Variants in TTLL7 observed in about 807,000 individuals in gnomAD.
TTLL7 encodes the protein tubulin polyglutamylase TTLL7.
TTLL7 carries 53 observed loss-of-function variants against 120.2 expected under a neutral mutation model. The ratio of observed to expected loss-of-function variants is 0.44; its 90% CI spans 0.35 to 0.55. The LOEUF (loss-of-function observed/expected upper bound fraction) is 0.55. Among genes scored for constraint, TTLL7 ranks in the 20% least tolerant of loss-of-function variants. The pLI is 0.00. For synonymous variants in TTLL7, 353 were observed against 351.7 expected, an observed-to-expected ratio of 1.00 and a Z score of -0.04; for missense variants, 803 against 1,054.7, an observed-to-expected ratio of 0.76 and a Z score of 3.31.
At chr1:83,924,888 C>T (rs1658980859) in intron 10 of TTLL7, among the ~76,000 whole-genome samples, 1 of 151,948 alleles carries the variant, frequency 6.6e-6, no homozygotes, top group African/African-American at 2.4e-5. Context: ...GGAAAAAGAA[C>T]AAGAAATGAT....
At chr1:83,883,406 TCTCA>T (rs761117908) in intron 19 of TTLL7, among the ~76,000 whole-genome samples, 26 of 151,976 alleles carry the variant, frequency 1.7e-4, no homozygotes, top group South Asian at 2.1e-4. Context: ...AGAGAGTGTG[TCTCA>T]CTATGTTGCC....
intron 7 of TTLL7, among the ~76,000 whole-genome samples, chr1:83,938,993 T>C (rs1299003599): frequency 6.6e-6 from 1 of 152,168 alleles, no homozygotes; most frequent in African/African-American, 2.4e-5. Flanking sequence ...AAGGCAGAAA[T>C]GATAATTTGA....
intron 19 of TTLL7, among the ~76,000 whole-genome samples, chr1:83,885,603 C>G (rs1024440471): frequency 6.6e-6 from 1 of 151,940 alleles, no homozygotes; most frequent in African/African-American, 2.4e-5. Flanking sequence ...AAATTCTACT[C>G]TATATATTAA....
intron 12 of TTLL7, among the ~76,000 whole-genome samples, chr1:83,920,370 A>T (rs1029976392): frequency 2.0e-5 from 3 of 152,082 alleles, no homozygotes; most frequent in Non-Finnish European, 4.4e-5. Context: ...TGGTTACTGA[A>T]GTATACAAAA....
chr1:83,925,458 A>G (rs376311332), intron 10 of TTLL7, among the ~76,000 whole-genome samples: 1 of 152,196 alleles, frequency 6.6e-6, no homozygotes, highest in African/African-American at 2.4e-5. Context: ...TTGCAGAATG[A>G]CAGAATGGAA....
At chr1:83,888,952 C>CAA (rs141538615) in intron 19 of TTLL7, among the ~76,000 whole-genome samples, 6,258 of 151,668 alleles carry the variant, frequency 0.041, 154 homozygotes, top group Middle Eastern at 0.099. Context: ...GCTGTCTTAC[C>CAA]AAAAAAAGGC....
chr1:83,988,116 A>G (rs1368681552), intron 1 of TTLL7, among the ~76,000 whole-genome samples: 1 of 152,180 alleles, frequency 6.6e-6, no homozygotes, highest in African/African-American at 2.4e-5. Context: ...GCTGCCACTT[A>G]TAAGTGAGAA....
chr1:83,983,563 A>G (rs1359319248), intron 1 of TTLL7, among the ~76,000 whole-genome samples: 1 of 152,172 alleles, frequency 6.6e-6, no homozygotes, highest in African/African-American at 2.4e-5. Flanking sequence ...GCTTTGACAA[A>G]GAGTTTATGG....
At chr1:83,944,075 T>G (rs1648239982) in intron 6 of TTLL7, among the ~76,000 whole-genome samples, 1 of 151,648 alleles carries the variant, frequency 6.6e-6, no homozygotes, top group Admixed American at 6.6e-5. Flanking sequence ...ATCAGAAAAC[T>G]TGAGGATAAG....
At chr1:83,946,561 C>T (rs1237226076) in intron 6 of TTLL7, 1 of 152,116 alleles carries the variant, frequency 6.6e-6, no homozygotes, top group Admixed American at 6.6e-5. Context: ...ATATGATTGG[C>T]AGTGCAATAT....
chr1:83,959,060 T>C (rs1240072950), intron 1 of TTLL7, among the ~76,000 whole-genome samples: 2 of 152,070 alleles, frequency 1.3e-5, no homozygotes, highest in East Asian at 3.8e-4. Context: ...TGTAGGTGAT[T>C]GTGAAATTAT....
chr1:83,946,908 C>T (rs540157794), intron 6 of TTLL7, among the ~76,000 whole-genome samples: 91 of 152,176 alleles, frequency 6.0e-4, no homozygotes, highest in African/African-American at 2.2e-3. Flanking sequence ...AGCCTCACAA[C>T]CTGCTGATTA....
rs777341726 is a variant in TTLL7, at chr1:83,865,158, T to A, written c.*4804A>T. On this transcript the variant is annotated 3_prime_UTR_variant, in exon 21 of 21. Coordinates refer to ENST00000260505, the MANE Select transcript of TTLL7 (RefSeq NM_024686.6). The stretch of plus-strand genomic sequence containing the variant: ...ACACTGTATTGACATTTCAAGCATA[T>A]TTTCTGTAACAACATTTGCATTCAT... The A allele has an allele frequency of 6.6e-6, 1 of 152,000 alleles. No homozygotes were observed. The highest frequency in any genetic ancestry group is 2.4e-5 in the African/African-American group (1 of 41,434). 9.4% of individuals were successfully genotyped at this position (152,000 alleles called of 1,614,324 possible).
intron 1 of TTLL7, among the ~76,000 whole-genome samples, chr1:83,974,023 A>G (rs759818951): frequency 2.5e-4 from 38 of 152,120 alleles, no homozygotes; most frequent in East Asian, 1.5e-3. Context: ...TTCACTCTAT[A>G]TATGTTTTAC....
At chr1:83,922,256 G>A (rs1170335256) in intron 10 of TTLL7, among the ~76,000 whole-genome samples, 1 of 152,068 alleles carries the variant, frequency 6.6e-6, no homozygotes, top group Non-Finnish European at 1.5e-5. Context: ...CTATCCTTAA[G>A]CTTACATTTC....
chr1:83,881,922 G>T (rs1360289282), intron 20 of TTLL7, among the ~76,000 whole-genome samples: 1 of 150,964 alleles, frequency 6.6e-6, no homozygotes, highest in African/African-American at 2.4e-5. Flanking sequence ...AAAAGGATGA[G>T]TTCATGTCCT....
intron 1 of TTLL7, among the ~76,000 whole-genome samples, chr1:83,963,108 C>A (rs1427297717): frequency 1.3e-5 from 2 of 152,114 alleles, no homozygotes; most frequent in African/African-American, 2.4e-5. Flanking sequence ...TCCAGTGAAG[C>A]ACTACTTCCT....
intron 18 of TTLL7, among the ~76,000 whole-genome samples, chr1:83,893,373 T>TA (rs562175886): frequency 1.4e-3 from 210 of 151,556 alleles, no homozygotes; most frequent in African/African-American, 4.7e-3. Context: ...AATTCTTTTG[T>TA]AAAAAAACAA....
intron 10 of TTLL7, among the ~76,000 whole-genome samples, chr1:83,928,923 A>G (rs598531): frequency 0.27 from 40,669 of 151,514 alleles, 6,859 homozygotes; most frequent in East Asian, 0.6. Context: ...TTTTTTAACT[A>G]TATGAGTTTA....
Sources: gnomAD v4.1 joint callset for allele counts (sites outside exome capture counted in the v4.1 genomes callset) on GRCh38, gnomAD v4.1.1 for gene constraint, MANE v1.5 for transcripts, NCBI Gene and HGNC (gene_info 2026-07-23, HGNC 2026-07-21) for gene names.